CLSTN2: variants seen among roughly 807,000 people sequenced by gnomAD.
The protein encoded by CLSTN2 is calsyntenin-2.
Under a neutral mutation model 101.2 loss-of-function variants are expected in CLSTN2, and 48 were observed. That is an observed-to-expected ratio of 0.47 (90% confidence interval 0.38 to 0.60). The LOEUF (loss-of-function observed/expected upper bound fraction) is 0.60, where lower values mean the gene tolerates loss of function less well. Among genes scored for constraint, CLSTN2 ranks in the 20% least tolerant of loss-of-function variants. The pLI is 0.00. For missense variants in CLSTN2, 1,160 were observed against 1,238.2 expected, an observed-to-expected ratio of 0.94 and a Z score of 0.95; for synonymous variants, 481 against 463.6, an observed-to-expected ratio of 1.04 and a Z score of -0.48.
At chr3:140,195,781 C>A (rs534352304) in intron 2 of CLSTN2, among the ~76,000 whole-genome samples, 1 of 152,270 alleles carries the variant, frequency 6.6e-6, no homozygotes, top group East Asian at 1.9e-4. Context: ...TTGAAGTTAC[C>A]TAGGCAATAC....
At chr3:140,244,579 A>C (rs1211241425) in intron 2 of CLSTN2, among the ~76,000 whole-genome samples, 1 of 152,174 alleles carries the variant, frequency 6.6e-6, no homozygotes, top group Non-Finnish European at 1.5e-5. Flanking sequence ...CTGGCCCTTA[A>C]GTTCATGCCT....
chr3:140,345,189 A>G (rs956997153), intron 2 of CLSTN2, among the ~76,000 whole-genome samples: 1 of 151,634 alleles, frequency 6.6e-6, no homozygotes, highest in African/African-American at 2.4e-5. Context: ...TTGTTCCCCA[A>G]AAGTAGTTTT....
chr3:140,251,894 A>T (rs1383797239), intron 2 of CLSTN2, among the ~76,000 whole-genome samples: 1 of 152,182 alleles, frequency 6.6e-6, no homozygotes, highest in Non-Finnish European at 1.5e-5. Flanking sequence ...GGTTTCAAAA[A>T]ACAGCAATGT....
intron 1 of CLSTN2, among the ~76,000 whole-genome samples, chr3:140,078,482 C>T (rs556075652): frequency 9.3e-4 from 141 of 152,222 alleles, no homozygotes; most frequent in African/African-American, 3.0e-3. Context: ...AATTGCAAAC[C>T]GACAGCAGCC....
intron 1 of CLSTN2, among the ~76,000 whole-genome samples, chr3:139,988,258 T>C (rs1409224425): frequency 2.0e-5 from 3 of 152,186 alleles, no homozygotes; most frequent in Non-Finnish European, 2.9e-5. Flanking sequence ...AATTAGACTT[T>C]CCCTTTAAAT....
chr3:140,403,870 C>A, intron 3 of CLSTN2, 46 bp downstream of exon 3: 2 of 1,455,906 alleles, frequency 1.4e-6, no homozygotes, highest in Admixed American at 1.8e-5. Flanking sequence ...CCTCCCGTGC[C>A]CACCCCACTT....
intron 2 of CLSTN2, among the ~76,000 whole-genome samples, chr3:140,350,092 G>A (rs998353865): frequency 1.3e-5 from 2 of 152,224 alleles, no homozygotes; most frequent in Non-Finnish European, 2.9e-5. Context: ...CGCACACCTT[G>A]CAATCTCTGG....
intron 8 of CLSTN2, among the ~76,000 whole-genome samples, chr3:140,496,526 A>T (rs956476063): frequency 7.2e-5 from 11 of 152,160 alleles, no homozygotes; most frequent in Non-Finnish European, 1.6e-4. Flanking sequence ...GAGAGAGGGC[A>T]TCCTTGTCTT....
At chr3:140,221,859 A>T (rs533046172) in intron 2 of CLSTN2, among the ~76,000 whole-genome samples, 1 of 152,322 alleles carries the variant, frequency 6.6e-6, no homozygotes, top group South Asian at 2.1e-4. Context: ...ATCCTTATAC[A>T]CTATTGGTGG....
At chr3:140,386,802 C>T (rs1231474730) in intron 2 of CLSTN2, among the ~76,000 whole-genome samples, 2 of 152,168 alleles carry the variant, frequency 1.3e-5, no homozygotes, top group Admixed American at 1.3e-4. Flanking sequence ...TGCACAGTGT[C>T]AGCAGGGCAG....
At chr3:140,259,116 T>A (rs1186226750) in intron 2 of CLSTN2, among the ~76,000 whole-genome samples, 5 of 151,520 alleles carry the variant, frequency 3.3e-5, no homozygotes, top group Admixed American at 6.6e-5. Context: ...TATTTTTTTT[T>A]AAAAGACAAA....
At chr3:140,490,153 C>G (rs1329839300) in intron 8 of CLSTN2, among the ~76,000 whole-genome samples, 1 of 126,546 alleles carries the variant, frequency 7.9e-6, no homozygotes, top group Non-Finnish European at 1.7e-5. Flanking sequence ...CACACACACA[C>G]ACACACACAT....
intron 1 of CLSTN2, among the ~76,000 whole-genome samples, chr3:140,140,431 AG>A (rs2009679570): frequency 6.6e-6 from 1 of 152,068 alleles, no homozygotes; most frequent in African/African-American, 2.4e-5. Flanking sequence ...GGAAGTACAA[AG>A]CTCCTTTAAA....
chr3:139,960,443 T>G (rs1260098061), intron 1 of CLSTN2, among the ~76,000 whole-genome samples: 12 of 152,284 alleles, frequency 7.9e-5, no homozygotes, highest in Middle Eastern at 3.4e-3. Context: ...TAAAAAAAGC[T>G]TTGGTGGCTT....
At chr3:140,546,728 T>C in intron 10 of CLSTN2, 47 bp downstream of exon 10, 1 of 1,516,332 alleles carries the variant, frequency 6.6e-7, no homozygotes, top group Non-Finnish European at 8.9e-7. Flanking sequence ...GGATTCATGA[T>C]GCCCAGCCTG....
At chr3:140,062,626 C>T (rs1299582663) in intron 1 of CLSTN2, among the ~76,000 whole-genome samples, 2 of 152,174 alleles carry the variant, frequency 1.3e-5, no homozygotes, top group South Asian at 4.1e-4. Flanking sequence ...CCTTGCCCTG[C>T]CCTGGCTGAG....
intron 8 of CLSTN2, among the ~76,000 whole-genome samples, chr3:140,527,522 A>T (rs1935168710): frequency 6.6e-6 from 1 of 152,256 alleles, no homozygotes; most frequent in South Asian, 2.1e-4. Flanking sequence ...GAAATTTCTC[A>T]AGGAACTTAA....
At chr3:140,509,456 C>G (rs1023927268) in intron 8 of CLSTN2, among the ~76,000 whole-genome samples, 1 of 152,122 alleles carries the variant, frequency 6.6e-6, no homozygotes, top group Non-Finnish European at 1.5e-5. Flanking sequence ...GGTTCAGAGA[C>G]CACACTTTGA....
At chr3:140,059,856 AG>A (rs1171937624) in intron 1 of CLSTN2, among the ~76,000 whole-genome samples, 1 of 152,172 alleles carries the variant, frequency 6.6e-6, no homozygotes, top group African/African-American at 2.4e-5. Flanking sequence ...ATGAAAAATA[AG>A]GGCTCTTAGT....
Sources: allele counts gnomAD v4.1 joint callset (sites outside exome capture counted in the v4.1 genomes callset), GRCh38; gene constraint gnomAD v4.1.1; transcripts MANE v1.5; gene names NCBI Gene and HGNC (gene_info 2026-07-23, HGNC 2026-07-21).